The following TLN2 variants were observed in gnomAD, a reference collection of about 807,000 sequenced individuals.
TLN2 encodes the protein talin-2.
TLN2 carries 118 observed loss-of-function variants against 294.7 expected under a neutral mutation model. The ratio of observed to expected loss-of-function variants is 0.40; its 90% confidence interval spans 0.34 to 0.47. TLN2 has a LOEUF of 0.47. TLN2 is among the 20% of genes least tolerant of loss of function. The probability of loss-of-function intolerance (pLI) is 0.84; values close to 1 mark genes in which losing one functional copy is unlikely to be tolerated. For missense variants in TLN2, 3,083 were observed against 3,282.2 expected (o/e 0.94, Z 1.48); for synonymous variants, 1,431 against 1,304.5 (o/e 1.10, Z -2.09).
chr15:62,598,386 A>G (rs1430865289), intron 2 of TLN2, among the ~76,000 whole-genome samples: 3 of 152,084 alleles, frequency 2.0e-5, no homozygotes, highest in Non-Finnish European at 2.9e-5. Context: ...CTGCTTCTCT[A>G]GCAGAGTCAG....
chr15:62,638,739 C>T, intron 3 of TLN2: 1 of 409,890 alleles, frequency 2.4e-6, no homozygotes, highest in Non-Finnish European at 4.8e-6. Context: ...CCCATTCATG[C>T]ATTAAATAAA....
At chr15:62,713,287 AAAC>A (rs1189542191) in intron 22 of TLN2, among the ~76,000 whole-genome samples, 2 of 151,270 alleles carry the variant, frequency 1.3e-5, no homozygotes, top group Non-Finnish European at 2.9e-5. Context: ...AAAAAAAAAA[AAAC>A]AAAAAATAGA....
intron 41 of TLN2, among the ~76,000 whole-genome samples, chr15:62,767,516 A>G (rs1382969055): frequency 1.3e-5 from 2 of 151,798 alleles, no homozygotes; most frequent in Non-Finnish European, 2.9e-5. Flanking sequence ...TAATTTTTGT[A>G]TTAGTAGAGA....
chr15:62,521,724 A>T (rs113720036), intron 1 of TLN2, among the ~76,000 whole-genome samples: 47 of 152,324 alleles, frequency 3.1e-4, no homozygotes, highest in African/African-American at 1.1e-3. Context: ...CCTAGATCCT[A>T]GAAAGGCCTG....
intron 1 of TLN2, among the ~76,000 whole-genome samples, chr15:62,566,615 GAAACCTTCCTTTTTTTT>G (rs2043417518): frequency 6.7e-6 from 1 of 148,862 alleles, no homozygotes. Context: ...AGTAGCCACA[GAAACCTTCCTTTTTTTT>G]TTTTTTTTTG....
chr15:62,469,688 G>A (rs936905369), intron 1 of TLN2, among the ~76,000 whole-genome samples: 1 of 152,238 alleles, frequency 6.6e-6, no homozygotes, highest in Non-Finnish European at 1.5e-5. Flanking sequence ...CCACCCACAA[G>A]CACCCTTAAA....
chr15:62,639,264 T>C (rs1054389814), intron 3 of TLN2, among the ~76,000 whole-genome samples: 7 of 152,080 alleles, frequency 4.6e-5, no homozygotes, highest in Non-Finnish European at 4.4e-5. Context: ...TATCTATGTG[T>C]ATATCTATAT....
At chr15:62,551,976 C>T (rs1480244308) in intron 1 of TLN2, among the ~76,000 whole-genome samples, 1 of 152,202 alleles carries the variant, frequency 6.6e-6, no homozygotes, top group Non-Finnish European at 1.5e-5. Flanking sequence ...AGAAGGCACA[C>T]TTAAAGACAA....
chr15:62,796,711 C>T (rs968552860), intron 47 of TLN2, among the ~76,000 whole-genome samples: 11 of 152,210 alleles, frequency 7.2e-5, no homozygotes, highest in African/African-American at 2.2e-4. Flanking sequence ...CTATCTGCTG[C>T]TAGGGACCCC....
chr15:62,692,177 T>C (rs905150181), intron 12 of TLN2, among the ~76,000 whole-genome samples: 10 of 152,246 alleles, frequency 6.6e-5, no homozygotes, highest in Admixed American at 1.3e-4. Context: ...GTTCTGTCGA[T>C]GAAGGCAGAA....
At chr15:62,615,858 C>T (rs1366983157) in intron 2 of TLN2, among the ~76,000 whole-genome samples, 1 of 152,120 alleles carries the variant, frequency 6.6e-6, no homozygotes, top group Non-Finnish European at 1.5e-5. Flanking sequence ...GTGGGTTTCT[C>T]CATATTTCTT....
In TLN2 at chr15:62,809,843, A is replaced by G. The variant is rs534481068; in HGVS notation, c.6664-82A>G. 1.4e-4 allele frequency: 192 copies of G among 1,337,182 alleles called. 2 individuals are homozygous for G. In the South Asian group the frequency reaches 2.2e-3, roughly 15 times the overall value. The allele number at this position is 1,337,182 out of a possible 1,614,324, so 82.8% of individuals were successfully genotyped here. ...GCAGTTTCTTGAGGTCACCAGGGTT[A>G]AGGTCTCTTGCCTCTGAGTCTGGGA... On this transcript the variant is annotated intron_variant, in intron 51 of 58. Transcript: ENST00000636159.
intron 55 of TLN2, chr15:62,835,094 C>T (rs8033596): frequency 0.086 from 13,045 of 152,502 alleles, 1,255 homozygotes; most frequent in African/African-American, 0.24. Context: ...TCACCAGGCA[C>T]GTCCCACAAG....
chr15:62,557,956 A>G (rs1045957905), intron 1 of TLN2, among the ~76,000 whole-genome samples: 2 of 152,230 alleles, frequency 1.3e-5, no homozygotes, highest in African/African-American at 4.8e-5. Context: ...TGTGTTCTGC[A>G]GAGACGCCTC....
At chr15:62,833,285 C>T in intron 54 of TLN2, 1 of 558,706 alleles carries the variant, frequency 1.8e-6, no homozygotes, top group East Asian at 3.2e-5. Context: ...ACACTGTGAC[C>T]CGAGGGTGGC....
chr15:62,505,223 C>T (rs888057743), intron 1 of TLN2, among the ~76,000 whole-genome samples: 4 of 152,154 alleles, frequency 2.6e-5, no homozygotes, highest in Non-Finnish European at 5.9e-5. Context: ...TCCCAAAGTG[C>T]TGGGATTACA....
At chr15:62,725,284 G>A (rs1326341393) in intron 27 of TLN2, among the ~76,000 whole-genome samples, 180 bp downstream of exon 27, 1 of 152,174 alleles carries the variant, frequency 6.6e-6, no homozygotes, top group African/African-American at 2.4e-5. Context: ...TATGAGCGCT[G>A]GATTCTACAC....
intron 1 of TLN2, among the ~76,000 whole-genome samples, chr15:62,580,216 G>A (rs972539554): frequency 6.6e-6 from 1 of 151,990 alleles, no homozygotes; most frequent in Non-Finnish European, 1.5e-5. Flanking sequence ...AGCAGTTTTG[G>A]GTTTACAACA....
chr15:62,702,987 A>G, intron 19 of TLN2, 123 bp downstream of exon 19: 3 of 895,378 alleles, frequency 3.4e-6, no homozygotes, highest in Non-Finnish European at 5.2e-6. Flanking sequence ...TGCGATTGAG[A>G]TGGATTATCT....
Sources: allele counts gnomAD v4.1 joint callset (sites outside exome capture counted in the v4.1 genomes callset), GRCh38; gene constraint gnomAD v4.1.1; transcripts MANE v1.5; gene names NCBI Gene and HGNC (gene_info 2026-07-23, HGNC 2026-07-21).